The following GPATCH2 variants were observed in gnomAD, a reference collection of about 807,000 sequenced individuals.
The protein encoded by GPATCH2 is G patch domain-containing protein 2.
In GPATCH2, 51 loss-of-function variants were observed where a neutral mutation model predicts 58.0. That is an observed-to-expected ratio of 0.88 (90% CI 0.70 to 1.11). The LOEUF (loss-of-function observed/expected upper bound fraction) is 1.11, where lower values mean the gene tolerates loss of function less well. Among genes scored for constraint, GPATCH2 ranks in the 50% most tolerant of loss-of-function variants. GPATCH2 has a pLI of 0.00. For synonymous variants in GPATCH2, 222 were observed against 218.5 expected (o/e 1.02, Z -0.14); for missense variants, 625 against 652.2 (o/e 0.96, Z 0.45).
intron 8 of GPATCH2, among the ~76,000 whole-genome samples, chr1:217,485,636 T>C (rs974982450): frequency 6.6e-6 from 1 of 152,162 alleles, no homozygotes; most frequent in Non-Finnish European, 1.5e-5. Flanking sequence ...TCTATCTTCA[T>C]ATAAATGTAG....
intron 8 of GPATCH2, among the ~76,000 whole-genome samples, chr1:217,459,829 T>G (rs893179507): frequency 2.0e-5 from 3 of 152,186 alleles, no homozygotes; most frequent in African/African-American, 7.2e-5. Flanking sequence ...CTATATGATA[T>G]CTGGATATGT....
intron 8 of GPATCH2, 50 bp downstream of exon 8, chr1:217,491,630 C>T (rs1415222021): frequency 3.7e-6 from 3 of 807,452 alleles, no homozygotes; most frequent in Non-Finnish European, 6.5e-6. Context: ...TTCTTATAGG[C>T]ATAGAAAAAA....
intron 1 of GPATCH2, among the ~76,000 whole-genome samples, chr1:217,627,357 G>C (rs778391064): frequency 2.0e-5 from 3 of 151,914 alleles, no homozygotes; most frequent in Non-Finnish European, 4.4e-5. Context: ...CACTCTGAAT[G>C]TCGGGAAAAG....
intron 1 of GPATCH2, among the ~76,000 whole-genome samples, chr1:217,624,865 A>T (rs1669375325): frequency 1.3e-5 from 2 of 152,242 alleles, no homozygotes; most frequent in Admixed American, 1.3e-4. Flanking sequence ...TTCTGGGAAC[A>T]GTTAATATTG....
At chr1:217,498,510 T>C in intron 6 of GPATCH2, 115 bp from the exon 7 acceptor site, 1 of 776,690 alleles carries the variant, frequency 1.3e-6, no homozygotes, top group East Asian at 2.4e-5. Context: ...GCCTTAAATA[T>C]GCTTTATTTT....
Position 217,439,545 on chromosome 1 carries a change from C to T in GPATCH2, c.1367-8180G>A, listed in dbSNP as rs182341464. Among the ~76,000 whole-genome samples, 100 of 151,922 alleles carry T rather than the reference C, an allele frequency of 6.6e-4. 1 individual carries two copies. The East Asian group carries it at 0.017, about 26-fold the overall frequency. On this transcript the variant is annotated intron_variant, in intron 9 of 9. Coordinates refer to ENST00000366935, the MANE Select transcript of GPATCH2 (RefSeq NM_018040.5). ...AGCAGAACTGAAGGAGAGAGAGATACGAAAAACCCTTCAAAAAAATCAGTG... is the reference window on the plus strand; with the variant it reads ...AGCAGAACTGAAGGAGAGAGAGATATGAAAAACCCTTCAAAAAAATCAGTG...
At chr1:217,572,440 T>A (rs1666613035) in intron 5 of GPATCH2, among the ~76,000 whole-genome samples, 1 of 152,182 alleles carries the variant, frequency 6.6e-6, no homozygotes, top group African/African-American at 2.4e-5. Context: ...TCATCAAGAA[T>A]AACTTCAATC....
chr1:217,551,294 G>T (rs75306662), intron 5 of GPATCH2, among the ~76,000 whole-genome samples: 1 of 151,990 alleles, frequency 6.6e-6, no homozygotes, highest in East Asian at 1.9e-4. Context: ...TCATCAATTC[G>T]TTCAATTCAT....
At chr1:217,601,554 G>A (rs1247096889) in intron 5 of GPATCH2, among the ~76,000 whole-genome samples, 2 of 152,008 alleles carry the variant, frequency 1.3e-5, no homozygotes, top group African/African-American at 4.8e-5. Context: ...CAGGAATCAG[G>A]AGAGATGGCT....
chr1:217,602,885 C>T (rs1443184085), intron 5 of GPATCH2, among the ~76,000 whole-genome samples: 3 of 151,936 alleles, frequency 2.0e-5, no homozygotes, highest in Non-Finnish European at 4.4e-5. Flanking sequence ...CATTTTGTGA[C>T]CAAGAAATGA....
rs568736667 is a variant in GPATCH2 at position 217,609,347 on chromosome 1, A to T, written c.1098+974T>A. The T allele has an allele frequency of 3.6e-5, 35 of 985,122 alleles. No homozygotes were observed. In the South Asian group the frequency reaches 1.6e-3, roughly 44 times the overall value. 61.0% of individuals were successfully genotyped at this position (985,122 alleles called of 1,614,324 possible). ...GATTCAGAATCACACAGCATTTGTT[A>T]AAAATACCAGCTTTCACATGTTTCA... On this transcript the variant is annotated intron_variant, in intron 5 of 9. Transcript: ENST00000366935.
At chr1:217,561,990 C>A (rs145589357) in intron 5 of GPATCH2, among the ~76,000 whole-genome samples, 2 of 152,292 alleles carry the variant, frequency 1.3e-5, no homozygotes, top group East Asian at 3.9e-4. Flanking sequence ...TTCAATCAGG[C>A]ATGCCAAGTT....
At chr1:217,451,436 G>T (rs1571722063) in intron 8 of GPATCH2, among the ~76,000 whole-genome samples, 1 of 152,022 alleles carries the variant, frequency 6.6e-6, no homozygotes, top group Non-Finnish European at 1.5e-5. Context: ...GCTAGTTTTG[G>T]GTCCATTTAA....
At chr1:217,588,754 AG>A (rs1255335391) in intron 5 of GPATCH2, among the ~76,000 whole-genome samples, 1 of 152,158 alleles carries the variant, frequency 6.6e-6, no homozygotes, top group Non-Finnish European at 1.5e-5. Flanking sequence ...AATGGATTCT[AG>A]AAGGTAACCA....
chr1:217,449,315 A>T lies in GPATCH2; in HGVS notation c.1300T>A (p.Ser434Thr). 6.2e-7 allele frequency: 1 copy of T among 1,602,370 alleles called. No individual in the cohort carries two copies. The highest frequency in any genetic ancestry group is 2.2e-5 in the East Asian group (1 of 44,814). ...ASRQTSMHLGSLCTGDIKRRR... is the reference protein window; with the variant it reads ...ASRQTSMHLGTLCTGDIKRRR... ...CGTTTGATATCTCCCGTGCATAAGGATCCTAAATGCATGCTTGTTTGCCTA... is the reference window on the plus strand; with the variant it reads ...CGTTTGATATCTCCCGTGCATAAGGTTCCTAAATGCATGCTTGTTTGCCTA... Residue 434 changes from serine (S) to threonine (T), a missense_variant, in exon 9 of 10, where the codon TCC becomes ACC. Coordinates refer to ENST00000366935, the MANE Select transcript of GPATCH2 (RefSeq NM_018040.5).
At chr1:217,431,914 T>C (rs569684376) in intron 9 of GPATCH2, among the ~76,000 whole-genome samples, 2 of 152,262 alleles carry the variant, frequency 1.3e-5, no homozygotes, top group East Asian at 3.9e-4. Context: ...TTATAATCTC[T>C]CTCCTTGTTA....
chr1:217,622,660 T>G (rs1473558940), intron 1 of GPATCH2, among the ~76,000 whole-genome samples: 1 of 152,114 alleles, frequency 6.6e-6, no homozygotes, highest in Non-Finnish European at 1.5e-5. Flanking sequence ...TCTCCTGCCT[T>G]AACCTCCCGA....
chr1:217,544,450 C>T (rs1664925192), intron 5 of GPATCH2, among the ~76,000 whole-genome samples: 1 of 152,164 alleles, frequency 6.6e-6, no homozygotes, highest in African/African-American at 2.4e-5. Context: ...TCCTTTCCAA[C>T]CCAGAGGCCA....
At chr1:217,600,637 G>A (rs1668063125) in intron 5 of GPATCH2, among the ~76,000 whole-genome samples, 2 of 151,958 alleles carry the variant, frequency 1.3e-5, no homozygotes. Context: ...AAAGTAAAAT[G>A]TTTGCAGCAT....
Sources: allele counts gnomAD v4.1 joint callset (sites outside exome capture counted in the v4.1 genomes callset), GRCh38; gene constraint gnomAD v4.1.1; transcripts MANE v1.5; gene names NCBI Gene and HGNC (gene_info 2026-07-23, HGNC 2026-07-21).